CD300C: variants seen among roughly 807,000 people sequenced by gnomAD.
The protein encoded by CD300C is CD300c molecule, also known as CMRF35-like molecule 6.
Under a neutral mutation model 18.4 loss-of-function variants are expected in CD300C, and 11 were observed. The observed-to-expected ratio is 0.60, with a 90% confidence interval of 0.38 to 0.99. CD300C has a LOEUF of 0.99. CD300C is among the 50% of genes least tolerant of loss of function. The probability of loss-of-function intolerance (pLI) is 0.01; values close to 1 mark genes in which losing one functional copy is unlikely to be tolerated. For missense variants in CD300C, 277 were observed against 287.4 expected (o/e 0.96, Z 0.26); for synonymous variants, 116 against 116.3 (o/e 1.00, Z 0.02).
downstream of CD300C, among the ~76,000 whole-genome samples, chr17:74,537,554 G>A (rs1828840932): frequency 6.6e-6 from 1 of 151,482 alleles, no homozygotes; most frequent in South Asian, 2.1e-4. Flanking sequence ...GCTTGAACCT[G>A]GGAGGCAGAG....
In CD300C at chr17:74,542,457, C is replaced by T. The variant is rs530108011; in HGVS notation, c.527+404G>A. Among the ~76,000 whole-genome samples the T allele has an allele frequency of 1.6e-4, 25 of 152,356 alleles. 1 individual carries two copies. Among genetic ancestry groups the T allele is most frequent in the Non-Finnish European group, 3.4e-4 (23 of 68,036 alleles). On this transcript the variant is annotated intron_variant, in intron 3 of 3. Coordinates refer to ENST00000330793, the MANE Select transcript of CD300C (RefSeq NM_006678.5). ...GTGCCCAGCCCCCAACCCTTGAGGT[C>T]TCTGTGCTCATGTCCTCTAATTCTC...
chr17:74,543,146 G>C (rs888553005), intron 2 of CD300C, among the ~76,000 whole-genome samples, 159 bp from the exon 3 acceptor site: 2 of 152,212 alleles, frequency 1.3e-5, no homozygotes, highest in African/African-American at 4.8e-5. Context: ...GCCTGACCAG[G>C]GTCCTGGGCC....
At chr17:74,544,114 C>T (rs1908660192) in intron 2 of CD300C, among the ~76,000 whole-genome samples, 3 of 152,188 alleles carry the variant, frequency 2.0e-5, no homozygotes, top group Admixed American at 2.0e-4. Context: ...ATGCAGGCCC[C>T]AGGGCAGGGG....
At chr17:74,545,260 GTGTGTGA>G in intron 1 of CD300C, among the ~76,000 whole-genome samples, 1 of 151,910 alleles carries the variant, frequency 6.6e-6, no homozygotes, top group East Asian at 1.9e-4. Flanking sequence ...GAGTGTGACT[GTGTGTGA>G]CTGTGTGTGC....
chr17:74,545,262 G>C (rs901101780), intron 1 of CD300C, among the ~76,000 whole-genome samples: 15 of 151,914 alleles, frequency 9.9e-5, no homozygotes, highest in South Asian at 4.2e-4. Context: ...GTGTGACTGT[G>C]TGTGACTGTG....
At chr17:74,540,437 T>C (rs1908508033), downstream of CD300C, among the ~76,000 whole-genome samples, 1 of 152,212 alleles carries the variant, frequency 6.6e-6, no homozygotes, top group African/African-American at 2.4e-5. Flanking sequence ...ATGGGCTCAG[T>C]GTAAACAGAG....
downstream of CD300C, among the ~76,000 whole-genome samples, chr17:74,537,852 G>T (rs1908427888): frequency 6.6e-6 from 1 of 152,188 alleles, no homozygotes; most frequent in Non-Finnish European, 1.5e-5. Context: ...AGCTGCTCCA[G>T]AGGCTGAGAC....
At chr17:74,537,332 A>T (rs1309745761), downstream of CD300C, among the ~76,000 whole-genome samples, 2 of 152,234 alleles carry the variant, frequency 1.3e-5, no homozygotes, top group Non-Finnish European at 2.9e-5. Flanking sequence ...GCGTCAACAC[A>T]TCAACATGGA....
In CD300C at chr17:74,542,811, G is replaced by A. The variant is rs118128644; in HGVS notation, c.527+50C>T. The A allele has an allele frequency of 9.2e-4, 1,439 of 1,570,312 alleles. 5 individuals are homozygous for A. The highest frequency in any genetic ancestry group is 1.1e-3 in the Non-Finnish European group (1,337 of 1,164,610). Reference sequence around the variant, plus strand: ...CATCCGAGTCCCCTAAACATCACACGCAGTGGGGAGGCCGCCAGCGTGGCC... The same window carrying A: ...CATCCGAGTCCCCTAAACATCACACACAGTGGGGAGGCCGCCAGCGTGGCC... On this transcript the variant is annotated intron_variant, in intron 3 of 3. Transcript: ENST00000330793.
At chr17:74,536,631 C>T (rs1411555621), downstream of CD300C, among the ~76,000 whole-genome samples, 2 of 150,118 alleles carry the variant, frequency 1.3e-5, no homozygotes, top group Non-Finnish European at 3.0e-5. Context: ...AACCAAAAAA[C>T]ACATGAGCAT....
chr17:74,545,967 T>C lies in CD300C; in HGVS notation c.-185A>G, dbSNP rs1012276030. 35 of 597,852 alleles carry C rather than the reference T, an allele frequency of 5.9e-5. No homozygotes were observed. The highest frequency in any genetic ancestry group is 6.3e-5 in the Non-Finnish European group (21 of 331,936). The allele number at this position is 597,852 out of a possible 1,614,324, so 37.0% of individuals were successfully genotyped here. The stretch of plus-strand genomic sequence containing the variant: ...CAGGAAGCTCAGGGAGAGAGCCGCC[T>C]GGGCTGAGGCCGGTGCTGACAGCTC... On this transcript the variant is annotated 5_prime_UTR_variant, in exon 1 of 4. Transcript: ENST00000330793.
chr17:74,542,784 G>C (rs1437106840), intron 3 of CD300C, 77 bp downstream of exon 3: 5 of 1,490,042 alleles, frequency 3.4e-6, no homozygotes, highest in Non-Finnish European at 3.6e-6. Flanking sequence ...TGGAAGAAGG[G>C]ACATCCGAGT....
rs1490130672 is a variant in CD300C at position 74,546,031 on chromosome 17, G to A, written c.-249C>T. 2 of 480,810 alleles carry A rather than the reference G, an allele frequency of 4.2e-6. No individual in the cohort carries two copies. The highest frequency in any genetic ancestry group is 7.6e-6 in the Non-Finnish European group (2 of 263,832). 29.8% of individuals were successfully genotyped at this position (480,810 alleles called of 1,614,324 possible). The stretch of plus-strand genomic sequence containing the variant: ...GTGGCTCCTCTCAACCCTGACGTCT[G>A]GCAAAGTCCAGGGTCCCTTGGGTGG... On this transcript the variant is annotated 5_prime_UTR_variant, in exon 1 of 4. Transcript: ENST00000330793.
chr17:74,544,510 C>A lies in CD300C; in HGVS notation c.400+99G>T, dbSNP rs1190818998. On this transcript the variant is annotated intron_variant, in intron 2 of 3. Transcript: ENST00000330793. ...GCACACAGTGTCCTGACTCACCAAC[C>A]CCCAGGCTCACACCCTCCTGTTCCA... The A allele has an allele frequency of 2.2e-6, 3 of 1,359,958 alleles. No individual in the cohort carries two copies. In the African/African-American group the frequency reaches 4.4e-5, roughly 20 times the overall value. 84.2% of individuals were successfully genotyped at this position (1,359,958 alleles called of 1,614,324 possible). A position where few individuals can be genotyped will look rare whatever the true frequency, so the allele number is the denominator to read the frequency against.
chr17:74,542,098 A>G (rs1442084855), intron 3 of CD300C, among the ~76,000 whole-genome samples: 1 of 152,160 alleles, frequency 6.6e-6, no homozygotes, highest in Non-Finnish European at 1.5e-5. Context: ...ACTCTCCTGT[A>G]CACAGCGTTT....
In CD300C at chr17:74,541,681, G is replaced by A. The variant is rs1331094889; in HGVS notation, c.583C>T (p.Leu195Phe). The A allele has an allele frequency of 6.2e-7, 1 of 1,613,878 alleles. No homozygotes were observed. The highest frequency in any genetic ancestry group is 8.5e-7 in the Non-Finnish European group (1 of 1,179,770). Residue 195 changes from leucine to phenylalanine, a missense_variant, in exon 4 of 4, where the codon CTC becomes TTC. By Grantham distance (22) the Leu-to-Phe change is conservative. Coordinates refer to ENST00000330793, the MANE Select transcript of CD300C (RefSeq NM_006678.5). The part of the protein sequence containing the change: ...LLLVLLELPL[L>F]LSMLGAVLWV... ...AGGACGGCACCCAGCATGCTCAGGA[G>A]CAGGGGCAGCTCCAAGAGGACCAGG... is the stretch of plus-strand genomic sequence containing the variant.
downstream of CD300C, among the ~76,000 whole-genome samples, chr17:74,536,481 C>A (rs537367778): frequency 6.3e-5 from 9 of 142,700 alleles, no homozygotes; most frequent in African/African-American, 2.3e-4. Flanking sequence ...TGCAGTGAGC[C>A]GAGATCACGC....
Position 74,541,349 on chromosome 17 carries a change from G to A in CD300C, c.*240C>T, listed in dbSNP as rs16978093. On this transcript the variant is annotated 3_prime_UTR_variant, in exon 4 of 4. Transcript: ENST00000330793. ...CCGGGCACTCAGAGGTATTGCTGAC[G>A]GCCCGAGGCTTAGCTGGCCGGGGCG... 36 of 451,596 alleles carry A rather than the reference G, an allele frequency of 8.0e-5. No individual in the cohort carries two copies. The East Asian group carries it at 9.5e-4, about 12-fold the overall frequency. The allele number at this position is 451,596 out of a possible 1,614,324, so 28.0% of individuals were successfully genotyped here.
chr17:74,537,048 G>GA (rs1598134610), downstream of CD300C, among the ~76,000 whole-genome samples: 1 of 133,430 alleles, frequency 7.5e-6, no homozygotes, highest in East Asian at 2.1e-4. Flanking sequence ...GGGAGGAAAA[G>GA]AAAAAAGAAG....
Sources: gnomAD v4.1 joint callset for allele counts (sites outside exome capture counted in the v4.1 genomes callset) on GRCh38, gnomAD v4.1.1 for gene constraint, MANE v1.5 for transcripts, NCBI Gene and HGNC (gene_info 2026-07-23, HGNC 2026-07-21) for gene names.